Variants in ARHGAP24 observed in about 807,000 individuals in gnomAD.
ARHGAP24 encodes Rho GTPase activating protein 24, also known as rho GTPase-activating protein 24.
A neutral mutation model predicts 76.4 loss-of-function variants in ARHGAP24; 50 were observed. That is an observed-to-expected ratio of 0.65 (90% CI 0.52 to 0.83). The LOEUF (loss-of-function observed/expected upper bound fraction) is 0.83. Among genes scored for constraint, ARHGAP24 ranks in the 40% least tolerant of loss-of-function variants. The probability of loss-of-function intolerance (pLI) is 0.00; values close to 1 mark genes in which losing one functional copy is unlikely to be tolerated. For synonymous variants in ARHGAP24, 345 were observed against 323.3 expected (o/e 1.07, Z -0.72); for missense variants, 930 against 914.2 (o/e 1.02, Z -0.22).
Position 85,845,997 on chromosome 4 carries a change from C to A in ARHGAP24, c.269-77651C>A, listed in dbSNP as rs192288374. On this transcript the variant is annotated intron_variant, in intron 3 of 9. Transcript: ENST00000395184. ...CTCGGCTCACTGCAACTTCCGCCTC[C>A]CATGTTCAAATGATTCTCCTGCCTC... Among the ~76,000 whole-genome samples, 376 of 152,084 alleles carry A rather than the reference C, an allele frequency of 2.5e-3. 2 individuals carry two copies. Among genetic ancestry groups the A allele is most frequent in the African/African-American group, 8.6e-3 (359 of 41,504 alleles).
intron 3 of ARHGAP24, among the ~76,000 whole-genome samples, chr4:85,869,273 C>G (rs1406442539): frequency 2.0e-5 from 3 of 152,276 alleles, no homozygotes; most frequent in Middle Eastern, 3.4e-3. Flanking sequence ...CCTTGAACAA[C>G]AAAGGGCTGC....
intron 2 of ARHGAP24, among the ~76,000 whole-genome samples, chr4:85,590,661 T>A (rs1163797104): frequency 6.6e-6 from 1 of 151,956 alleles, no homozygotes; most frequent in Non-Finnish European, 1.5e-5. Flanking sequence ...CACCTGACCC[T>A]TTCCTTCTTT....
chr4:85,652,566 T>C (rs183171528), intron 2 of ARHGAP24, among the ~76,000 whole-genome samples: 193 of 152,330 alleles, frequency 1.3e-3, no homozygotes, highest in Non-Finnish European at 2.3e-3. Context: ...TATTTAATAA[T>C]GAAAATGGAG....
chr4:85,594,976 T>G (rs537997245), intron 2 of ARHGAP24, among the ~76,000 whole-genome samples: 1 of 37,434 alleles, frequency 2.7e-5, no homozygotes, highest in African/African-American at 9.4e-5. Context: ...TCCTATTCAC[T>G]TTCTCCTCTT....
intron 3 of ARHGAP24, among the ~76,000 whole-genome samples, chr4:85,831,534 A>G (rs1484527730): frequency 1.3e-5 from 2 of 152,242 alleles, no homozygotes; most frequent in Non-Finnish European, 2.9e-5. Context: ...TTATTCTTAT[A>G]CAATGGGCTT....
chr4:85,950,271 T>A (rs1185562638), intron 5 of ARHGAP24, among the ~76,000 whole-genome samples: 1 of 151,668 alleles, frequency 6.6e-6, no homozygotes, highest in Non-Finnish European at 1.5e-5. Context: ...AGTGGGAGGA[T>A]CCCTTAAGGG....
intron 5 of ARHGAP24, among the ~76,000 whole-genome samples, chr4:85,943,817 C>T (rs1245706355): frequency 1.3e-5 from 2 of 151,426 alleles, no homozygotes; most frequent in African/African-American, 4.9e-5. Flanking sequence ...GCATAGTATT[C>T]CATGGTGTAT....
intron 2 of ARHGAP24, among the ~76,000 whole-genome samples, chr4:85,671,735 C>A (rs890644091): frequency 2.0e-5 from 3 of 152,134 alleles, no homozygotes; most frequent in Admixed American, 2.0e-4. Context: ...CTTACACTGA[C>A]TTCTGAAGCT....
intron 3 of ARHGAP24, among the ~76,000 whole-genome samples, chr4:85,848,445 G>A (rs1204216979): frequency 6.6e-6 from 1 of 152,118 alleles, no homozygotes; most frequent in African/African-American, 2.4e-5. Context: ...TTGGTTTTCT[G>A]TCCTTGCAAT....
intron 3 of ARHGAP24, among the ~76,000 whole-genome samples, chr4:85,816,201 C>T (rs530755918): frequency 2.0e-5 from 3 of 152,304 alleles, no homozygotes; most frequent in Non-Finnish European, 4.4e-5. Context: ...ACTTCAAGTA[C>T]ACACTAGAGT....
At chr4:85,923,891 T>C in intron 4 of ARHGAP24, 121 bp downstream of exon 4, 1 of 1,421,688 alleles carries the variant, frequency 7.0e-7, no homozygotes, top group Non-Finnish European at 9.8e-7. Flanking sequence ...AAATAAATTG[T>C]AAATTGTTCA....
At chr4:85,805,276 C>T (rs943972529) in intron 3 of ARHGAP24, among the ~76,000 whole-genome samples, 8 of 152,122 alleles carry the variant, frequency 5.3e-5, no homozygotes, top group African/African-American at 1.9e-4. Context: ...ATTCCCCTTG[C>T]GTCCTTTCGA....
At chr4:85,665,115 G>A (rs1722561141) in intron 2 of ARHGAP24, among the ~76,000 whole-genome samples, 1 of 152,096 alleles carries the variant, frequency 6.6e-6, no homozygotes. Context: ...ACAGTGGGGT[G>A]TTAAAGTCTC....
intron 3 of ARHGAP24, among the ~76,000 whole-genome samples, chr4:85,834,185 G>T (rs1362741307): frequency 6.6e-6 from 1 of 152,066 alleles, no homozygotes; most frequent in African/African-American, 2.4e-5. Flanking sequence ...TTATCAGAGA[G>T]AATAAAAAGA....
intron 3 of ARHGAP24, among the ~76,000 whole-genome samples, chr4:85,856,465 A>G (rs1259158074): frequency 8.0e-6 from 1 of 125,692 alleles, no homozygotes; most frequent in Non-Finnish European, 1.6e-5. Context: ...TTAAAAGGAA[A>G]TTACTCTTTT....
intron 1 of ARHGAP24, among the ~76,000 whole-genome samples, chr4:85,529,863 C>T (rs1725184824): frequency 6.6e-6 from 1 of 151,822 alleles, no homozygotes; most frequent in South Asian, 2.1e-4. Context: ...AGGGTTATTC[C>T]TTTATTTCTG....
intron 1 of ARHGAP24, among the ~76,000 whole-genome samples, chr4:85,556,269 G>C (rs1262891560): frequency 6.6e-6 from 1 of 152,176 alleles, no homozygotes; most frequent in Non-Finnish European, 1.5e-5. Flanking sequence ...ATCAGGTACA[G>C]AGAGGCTGTT....
chr4:85,787,942 G>C (rs1043575477), intron 3 of ARHGAP24, among the ~76,000 whole-genome samples: 2 of 152,178 alleles, frequency 1.3e-5, no homozygotes, highest in African/African-American at 2.4e-5. Context: ...GCCCTGCATA[G>C]TGCCAGGTCA....
At chr4:85,998,659 G>A (rs1740825578) in intron 9 of ARHGAP24, among the ~76,000 whole-genome samples, 1 of 151,660 alleles carries the variant, frequency 6.6e-6, no homozygotes, top group Non-Finnish European at 1.5e-5. Context: ...CATTTTTGAG[G>A]CATTCTAGGT....
Sources: gnomAD v4.1 joint callset for allele counts (sites outside exome capture counted in the v4.1 genomes callset) on GRCh38, gnomAD v4.1.1 for gene constraint, MANE v1.5 for transcripts, NCBI Gene and HGNC (gene_info 2026-07-23, HGNC 2026-07-21) for gene names.